Variants in EPHA4 observed in about 807,000 individuals in gnomAD.
The protein encoded by EPHA4 is ephrin type-A receptor 4.
A neutral mutation model predicts 108.3 loss-of-function variants in EPHA4; 19 were observed. The observed-to-expected ratio is 0.18, with a 90% CI of 0.12 to 0.26. The LOEUF is 0.26. Ranked by LOEUF, EPHA4 falls within the 10% of genes least tolerant of loss-of-function variation. The pLI is 1.00. For synonymous variants in EPHA4, 449 were observed against 455.5 expected (o/e 0.99, Z 0.18); for missense variants, 917 against 1,254.0 (o/e 0.73, Z 4.06).
At chr2:221,470,574 A>C (rs1355830847) in intron 5 of EPHA4, among the ~76,000 whole-genome samples, 3 of 147,860 alleles carry the variant, frequency 2.0e-5, no homozygotes, top group Non-Finnish European at 3.0e-5. Flanking sequence ...CACTTTAGGG[A>C]ACCTCTGCTT....
chr2:221,443,427 C>A (rs1163647018), intron 10 of EPHA4, 66 bp downstream of exon 10: 2 of 1,192,352 alleles, frequency 1.7e-6, no homozygotes, highest in Non-Finnish European at 2.5e-6. Flanking sequence ...TTTATGTAAT[C>A]CACACACATA....
Position 221,571,071 on chromosome 2 carries a change from CACAG to C in EPHA4, c.91+1083_91+1086del, listed in dbSNP as rs1025783496. Among the ~76,000 whole-genome samples the C allele has an allele frequency of 3.9e-5, 6 of 152,126 alleles. No homozygotes were observed. The highest frequency in any genetic ancestry group is 1.4e-4 in the African/African-American group (6 of 41,508). Reference sequence around the variant, plus strand: ...CGCGCACACACTCAGGACATCTGCGCACAGACATACAATCCTCCGCGTCCGCTTC... The same window carrying C: ...CGCGCACACACTCAGGACATCTGCGCACATACAATCCTCCGCGTCCGCTTC... On this transcript the variant is annotated intron_variant, in intron 1 of 17. Transcript: ENST00000281821. This position sits in a 1 kb window ranked among gnomAD's most constrained non-coding sequence, Gnocchi z 6.3.
chr2:221,513,090 CAGA>C (rs1354404410), intron 3 of EPHA4, among the ~76,000 whole-genome samples: 1 of 152,142 alleles, frequency 6.6e-6, no homozygotes, highest in Non-Finnish European at 1.5e-5. Context: ...TGGCTTCACC[CAGA>C]AGAAGCTAAA....
chr2:221,503,989 T>C (rs1343553872), intron 3 of EPHA4, among the ~76,000 whole-genome samples: 1 of 152,242 alleles, frequency 6.6e-6, no homozygotes, highest in Non-Finnish European at 1.5e-5. Context: ...TATTCACTAC[T>C]TACTAGCATC....
chr2:221,486,019 T>C (rs970061684), intron 4 of EPHA4, among the ~76,000 whole-genome samples: 1 of 152,236 alleles, frequency 6.6e-6, no homozygotes, highest in Non-Finnish European at 1.5e-5. Flanking sequence ...TTTATGTAAG[T>C]ATTGTGTCTG....
intron 4 of EPHA4, among the ~76,000 whole-genome samples, chr2:221,496,066 C>T (rs1330783993): frequency 2.0e-5 from 3 of 152,144 alleles, no homozygotes; most frequent in Admixed American, 6.5e-5. Context: ...TTGAAAGGAC[C>T]CCTGATGTTT....
chr2:221,530,435 C>T (rs1180672066), intron 3 of EPHA4, among the ~76,000 whole-genome samples: 4 of 152,172 alleles, frequency 2.6e-5, no homozygotes, highest in Non-Finnish European at 4.4e-5. Flanking sequence ...GAAACATTTG[C>T]GCGCAGTAGG....
chr2:221,505,002 C>T (rs1033997902), intron 3 of EPHA4, among the ~76,000 whole-genome samples: 7 of 152,090 alleles, frequency 4.6e-5, no homozygotes, highest in Non-Finnish European at 8.8e-5. Flanking sequence ...CTATTTGTTC[C>T]CCCAGCCCAT....
chr2:221,454,274 A>G (rs1690873772), intron 8 of EPHA4, among the ~76,000 whole-genome samples: 1 of 152,068 alleles, frequency 6.6e-6, no homozygotes, highest in Non-Finnish European at 1.5e-5. Context: ...TATAATGTAT[A>G]TCAGAGGAAA....
At chr2:221,562,207 CTT>C (rs35999917) in intron 3 of EPHA4, among the ~76,000 whole-genome samples, 32 of 144,256 alleles carry the variant, frequency 2.2e-4, no homozygotes, top group African/African-American at 4.0e-4. Flanking sequence ...TACACATTTC[CTT>C]TTTTTTTTTT....
At chr2:221,481,456 C>A (rs1042333080) in intron 5 of EPHA4, among the ~76,000 whole-genome samples, 2 of 151,838 alleles carry the variant, frequency 1.3e-5, no homozygotes, top group Non-Finnish European at 2.9e-5. Context: ...TCGAGACCAG[C>A]CTGGTCAATA....
intron 3 of EPHA4, among the ~76,000 whole-genome samples, chr2:221,515,971 A>AC (rs1692977152): frequency 6.6e-6 from 1 of 151,894 alleles, no homozygotes; most frequent in African/African-American, 2.4e-5. Context: ...AAAAAAAAAA[A>AC]AAAAGATGAA....
chr2:221,505,080 A>AAGG (rs1404620991), intron 3 of EPHA4, among the ~76,000 whole-genome samples: 2 of 152,060 alleles, frequency 1.3e-5, no homozygotes, highest in Non-Finnish European at 2.9e-5. Context: ...TTTCCAGTTC[A>AAGG]AGGTCCCTCA....
chr2:221,552,124 G>A (rs1694180435), intron 3 of EPHA4, among the ~76,000 whole-genome samples: 1 of 152,026 alleles, frequency 6.6e-6, no homozygotes, highest in Non-Finnish European at 1.5e-5. Context: ...AAAACCAGAG[G>A]CTGCTTATGT....
At chr2:221,483,264 T>C (rs1472063876) in intron 4 of EPHA4, among the ~76,000 whole-genome samples, 2 of 152,134 alleles carry the variant, frequency 1.3e-5, no homozygotes, top group South Asian at 2.1e-4. Context: ...ATGTTGAAGA[T>C]ACAGCTGTGG....
At chr2:221,493,605 C>T (rs1264781169) in intron 4 of EPHA4, among the ~76,000 whole-genome samples, 1 of 152,168 alleles carries the variant, frequency 6.6e-6, no homozygotes, top group Non-Finnish European at 1.5e-5. Context: ...GAAGATTGCT[C>T]ATCATTTCAT....
chr2:221,499,212 G>T (rs1692397479), intron 4 of EPHA4, among the ~76,000 whole-genome samples: 1 of 146,770 alleles, frequency 6.8e-6, no homozygotes, highest in East Asian at 2.0e-4. Flanking sequence ...ATATAAAATA[G>T]AAATAATATA....
intron 5 of EPHA4, among the ~76,000 whole-genome samples, chr2:221,478,105 C>T (rs1248777371): frequency 1.3e-5 from 2 of 151,866 alleles, no homozygotes. Flanking sequence ...TTTAAAACGC[C>T]AGAATATGGT....
intron 3 of EPHA4, among the ~76,000 whole-genome samples, chr2:221,560,273 A>G (rs926406176): frequency 2.0e-5 from 3 of 152,134 alleles, no homozygotes; most frequent in African/African-American, 4.8e-5. Flanking sequence ...TGAAAAGACA[A>G]TTGGGGAGGA....
Sources: gnomAD v4.1 joint callset for allele counts (sites outside exome capture counted in the v4.1 genomes callset) on GRCh38, gnomAD v4.1.1 for gene constraint, Gnocchi (gnomAD v3.1) non-coding constraint, MANE v1.5 for transcripts, NCBI Gene and HGNC (gene_info 2026-07-23, HGNC 2026-07-21) for gene names.